UBE2W: variants seen among roughly 807,000 people sequenced by gnomAD.
UBE2W encodes the protein ubiquitin-conjugating enzyme E2 W.
In UBE2W, 18 loss-of-function variants were observed where a neutral mutation model predicts 27.2. The observed-to-expected ratio is 0.66, with a 90% confidence interval of 0.46 to 0.98. The LOEUF is 0.98. UBE2W is among the 50% of genes least tolerant of loss of function. The probability of loss-of-function intolerance (pLI) is 0.00; values close to 1 mark genes in which losing one functional copy is unlikely to be tolerated. For missense variants in UBE2W, 90 were observed against 180.2 expected (o/e 0.50, Z 2.87); for synonymous variants, 53 against 57.2 (o/e 0.93, Z 0.33).
intron 5 of UBE2W, among the ~76,000 whole-genome samples, 177 bp downstream of exon 5, chr8:73,805,474 A>AAAAAAAC (rs1808860603): frequency 1.4e-5 from 2 of 144,334 alleles, no homozygotes; most frequent in African/African-American, 5.0e-5. Flanking sequence ...AAAAAAAACA[A>AAAAAAAC]AAAAAACTAG....
chr8:73,805,472 C>CAAAAAAAAAAACAAAAAAAA, intron 5 of UBE2W, among the ~76,000 whole-genome samples, 179 bp downstream of exon 5: 1 of 43,676 alleles, frequency 2.3e-5, no homozygotes, highest in South Asian at 9.2e-4. Context: ...AAAAAAAAAA[C>CAAAAAAAAAAACAAAAAAAA]AAAAAAAACT....
chr8:73,844,423 GCAGA>G (rs1444056545), intron 1 of UBE2W, among the ~76,000 whole-genome samples: 4 of 152,226 alleles, frequency 2.6e-5, no homozygotes, highest in Admixed American at 2.0e-4. Context: ...TGCCGGGATT[GCAGA>G]CAGAGTCTCA....
Position 73,856,712 on chromosome 8 carries a change from T to A in UBE2W, c.15+22096A>T, listed in dbSNP as rs181797020. The stretch of plus-strand genomic sequence containing the variant: ...GAAGATTTCCATCAGCAGGAATAAA[T>A]TTTTTTTTTTTGAGACAGGGTGTTG... On this transcript the variant is annotated intron_variant, in intron 1 of 5. Transcript: ENST00000602593. 3.5e-4 allele frequency among the ~76,000 whole-genome samples: 52 copies of A among 146,880 alleles called. No individual in the cohort carries two copies. The East Asian group carries it at 9.5e-3, about 27-fold the overall frequency.
At chr8:73,818,043 ACT>A (rs1182670017) in intron 3 of UBE2W, among the ~76,000 whole-genome samples, 2 of 151,746 alleles carry the variant, frequency 1.3e-5, no homozygotes, top group African/African-American at 4.8e-5. Flanking sequence ...TTTCACATAA[ACT>A]CTTTTTGTCC....
chr8:73,838,494 C>G (rs1301689743), intron 1 of UBE2W, among the ~76,000 whole-genome samples: 2 of 152,156 alleles, frequency 1.3e-5, no homozygotes, highest in Non-Finnish European at 2.9e-5. Flanking sequence ...AATCCCAGCA[C>G]TTTAGGAGGC....
At chr8:73,820,861 G>A (rs1390446775) in intron 3 of UBE2W, among the ~76,000 whole-genome samples, 1 of 152,186 alleles carries the variant, frequency 6.6e-6, no homozygotes, top group Non-Finnish European at 1.5e-5. Context: ...TGAGGTGGAA[G>A]GATCACTTGA....
chr8:73,829,188 A>G (rs1216412655), intron 2 of UBE2W, among the ~76,000 whole-genome samples: 2 of 152,162 alleles, frequency 1.3e-5, no homozygotes, highest in Non-Finnish European at 2.9e-5. Flanking sequence ...GTAAAAATTT[A>G]AAACAGTCCT....
chr8:73,861,649 C>T (rs535935414), intron 1 of UBE2W, among the ~76,000 whole-genome samples: 1 of 152,204 alleles, frequency 6.6e-6, no homozygotes, highest in Non-Finnish European at 1.5e-5. Context: ...TATTCAACTC[C>T]AACGATTCAT....
intron 5 of UBE2W, among the ~76,000 whole-genome samples, chr8:73,800,393 A>G (rs1808588466): frequency 6.6e-6 from 1 of 152,198 alleles, no homozygotes; most frequent in African/African-American, 2.4e-5. Context: ...AAGAGATAAG[A>G]ATGGTCATCG....
chr8:73,859,995 C>T (rs1188567293), intron 1 of UBE2W, among the ~76,000 whole-genome samples: 1 of 152,032 alleles, frequency 6.6e-6, no homozygotes, highest in Non-Finnish European at 1.5e-5. Flanking sequence ...GAAAAGTATA[C>T]AAAGACACAA....
chr8:73,798,182 A>G (rs753570664), intron 5 of UBE2W, among the ~76,000 whole-genome samples: 5 of 152,090 alleles, frequency 3.3e-5, no homozygotes, highest in Non-Finnish European at 7.4e-5. Flanking sequence ...CTGTAGTCCC[A>G]GTTACTCGGG....
chr8:73,805,454 C>CAAAAAAAAACAAAAAACAAAAAAA (rs1808835235), intron 5 of UBE2W, among the ~76,000 whole-genome samples, 197 bp downstream of exon 5: 1 of 14,580 alleles, frequency 6.9e-5, no homozygotes, highest in Admixed American at 1.4e-3. Flanking sequence ...AACTCCATCT[C>CAAAAAAAAACAAAAAACAAAAAAA]AAAAAAAAAA....
In UBE2W at chr8:73,790,160, C is replaced by T; in HGVS notation, c.*3942G>A. 5.1e-6 allele frequency: 5 copies of T among 984,632 alleles called. No individual in the cohort carries two copies. Among genetic ancestry groups the T allele is most frequent in the Non-Finnish European group, 6.0e-6 (5 of 829,660 alleles). The allele number at this position is 984,632 out of a possible 1,614,324, so 61.0% of individuals were successfully genotyped here. On this transcript the variant is annotated 3_prime_UTR_variant, in exon 6 of 6. Coordinates refer to ENST00000602593, the MANE Select transcript of UBE2W (RefSeq NM_018299.6). Reference sequence around the variant, plus strand: ...TCATGGCATAATTTTAATAATCGTCCTTCTGTAGAATCCCTAACCTCAGAA... The same window carrying T: ...TCATGGCATAATTTTAATAATCGTCTTTCTGTAGAATCCCTAACCTCAGAA...
intron 1 of UBE2W, among the ~76,000 whole-genome samples, chr8:73,872,350 C>T (rs1812037273): frequency 6.6e-6 from 1 of 152,092 alleles, no homozygotes; most frequent in Non-Finnish European, 1.5e-5. Flanking sequence ...TTAAGCAGTT[C>T]TACAATAGTA....
intron 4 of UBE2W, among the ~76,000 whole-genome samples, chr8:73,807,816 C>T (rs75140977): frequency 0.053 from 8,064 of 152,156 alleles, 688 homozygotes; most frequent in African/African-American, 0.18. Context: ...ATTTATCTCC[C>T]TGACAAATGA....
In UBE2W at chr8:73,788,725, A is replaced by C; in HGVS notation, c.*5377T>G. On this transcript the variant is annotated 3_prime_UTR_variant, in exon 6 of 6. Coordinates refer to ENST00000602593, the MANE Select transcript of UBE2W (RefSeq NM_018299.6). ...TTTTGCCTTTGAGAAAACAACTTAG[A>C]ATTGTTGTAGGACCAATGAGAAAAC... is the stretch of plus-strand genomic sequence containing the variant. 1.0e-6 allele frequency: 1 copy of C among 985,408 alleles called. No individual in the cohort carries two copies. Among genetic ancestry groups the C allele is most frequent in the South Asian group, 4.7e-5 (1 of 21,292 alleles). 61.0% of individuals were successfully genotyped at this position (985,408 alleles called of 1,614,324 possible). A position where few individuals can be genotyped will look rare whatever the true frequency, so the allele number is the denominator to read the frequency against.
rs1808010789 is a variant in UBE2W, at chr8:73,787,621, A to G, written c.*6481T>C. ...CAGAAAAGCTTAGAATTACCAGCAG[A>G]GCATATTTAATTCCTCCTGTCAGGA... On this transcript the variant is annotated 3_prime_UTR_variant, in exon 6 of 6. Transcript: ENST00000602593. 1 of 985,422 alleles carries G rather than the reference A, an allele frequency of 1.0e-6. No individual in the cohort carries two copies. Among genetic ancestry groups the G allele is most frequent in the Non-Finnish European group, 1.2e-6 (1 of 829,932 alleles). 61.0% of individuals were successfully genotyped at this position (985,422 alleles called of 1,614,324 possible). A position where few individuals can be genotyped will look rare whatever the true frequency, so the allele number is the denominator to read the frequency against.
chr8:73,859,996 A>G (rs1462798090), intron 1 of UBE2W, among the ~76,000 whole-genome samples: 1 of 152,212 alleles, frequency 6.6e-6, no homozygotes, highest in Non-Finnish European at 1.5e-5. Flanking sequence ...AAAAGTATAC[A>G]AAGACACAAC....
chr8:73,794,870 GAA>G (rs745852858), intron 5 of UBE2W, among the ~76,000 whole-genome samples: 1 of 103,556 alleles, frequency 9.7e-6, no homozygotes. Context: ...AAAAAAAAAA[GAA>G]AAAAAAAAAA....
Sources: allele counts gnomAD v4.1 joint callset (sites outside exome capture counted in the v4.1 genomes callset), GRCh38; gene constraint gnomAD v4.1.1; transcripts MANE v1.5; gene names NCBI Gene and HGNC (gene_info 2026-07-23, HGNC 2026-07-21).